Variants in SLC24A2 observed in about 807,000 individuals in gnomAD.
SLC24A2 encodes sodium/potassium/calcium exchanger 2.
In SLC24A2, 36 loss-of-function variants were observed where a neutral mutation model predicts 62.0. That is an observed-to-expected ratio of 0.58 (90% CI 0.44 to 0.77). The LOEUF is 0.77. Among genes scored for constraint, SLC24A2 ranks in the 30% least tolerant of loss-of-function variants. The pLI is 0.00. For synonymous variants in SLC24A2, 358 were observed against 294.0 expected (o/e 1.22, Z -2.23); for missense variants, 846 against 817.9 (o/e 1.03, Z -0.42).
At chr9:19,979,127 G>T in the SLC24A2 span, among the ~76,000 whole-genome samples, 1 of 152,180 alleles carries the variant, frequency 6.6e-6, no homozygotes, top group Admixed American at 6.6e-5. Context: ...CTTTCTGGCA[G>T]CTTTTCAGCA....
intron 2 of SLC24A2, among the ~76,000 whole-genome samples, chr9:19,679,202 TACCAA>T (rs1459711375): frequency 1.3e-5 from 2 of 152,160 alleles, no homozygotes; most frequent in Non-Finnish European, 2.9e-5. Flanking sequence ...TACCTATACA[TACCAA>T]AGGGCAATAG....
At chr9:20,092,429 T>G in the SLC24A2 span, among the ~76,000 whole-genome samples, 1 of 151,352 alleles carries the variant, frequency 6.6e-6, no homozygotes, top group Non-Finnish European at 1.5e-5. Context: ...TAAAACCTTA[T>G]GGGATTTATG....
chr9:19,694,246 T>C (rs1046029495), intron 2 of SLC24A2, among the ~76,000 whole-genome samples: 35 of 152,160 alleles, frequency 2.3e-4, no homozygotes, highest in Non-Finnish European at 8.8e-5. Context: ...TCTTAGCAAT[T>C]GGCTCAATCA....
the SLC24A2 span, among the ~76,000 whole-genome samples, chr9:19,994,284 C>CA: frequency 6.6e-6 from 1 of 151,672 alleles, no homozygotes; most frequent in Non-Finnish European, 1.5e-5. Context: ...TGACCATTGG[C>CA]AAAAAACAAA....
intron 2 of SLC24A2, among the ~76,000 whole-genome samples, chr9:19,715,258 G>A (rs568029130): frequency 6.6e-6 from 1 of 152,094 alleles, no homozygotes; most frequent in Non-Finnish European, 1.5e-5. Context: ...GAGTCCTCTT[G>A]TATTTTCTTT....
At chr9:20,300,038 T>C in the SLC24A2 span, among the ~76,000 whole-genome samples, 6 of 152,244 alleles carry the variant, frequency 3.9e-5, no homozygotes, top group African/African-American at 1.2e-4. Context: ...TAAAGTATTC[T>C]GAAATATAGA....
At chr9:19,673,461 GTGTT>G (rs1411962635) in intron 2 of SLC24A2, among the ~76,000 whole-genome samples, 1 of 119,786 alleles carries the variant, frequency 8.3e-6, no homozygotes, top group Non-Finnish European at 1.7e-5. Flanking sequence ...GTGTGTGTGT[GTGTT>G]TGAGACACAG....
intron 10 of SLC24A2, among the ~76,000 whole-genome samples, chr9:19,517,910 A>AACAC (rs56840950): frequency 0.02 from 2,634 of 131,536 alleles, 29 homozygotes; most frequent in African/African-American, 0.031. Context: ...TTCTTATTAA[A>AACAC]ACACACACAC....
At chr9:20,091,602 A>G in the SLC24A2 span, among the ~76,000 whole-genome samples, 1 of 152,296 alleles carries the variant, frequency 6.6e-6, no homozygotes, top group Non-Finnish European at 1.5e-5. Context: ...TATCTACTAA[A>G]CTAAGCTTCC....
the SLC24A2 span, among the ~76,000 whole-genome samples, chr9:20,149,849 C>A: frequency 1.3e-5 from 2 of 152,012 alleles, no homozygotes; most frequent in African/African-American, 4.8e-5. Flanking sequence ...TTTTAGGAGT[C>A]ACTACAGAGG....
intron 2 of SLC24A2, among the ~76,000 whole-genome samples, chr9:19,770,016 G>A (rs893760953): frequency 1.3e-5 from 2 of 151,372 alleles, no homozygotes; most frequent in African/African-American, 4.8e-5. Context: ...AATAAAGCAA[G>A]TTAGGTTTCC....
chr9:19,525,788 T>A (rs984711934), intron 9 of SLC24A2, among the ~76,000 whole-genome samples: 11 of 126,582 alleles, frequency 8.7e-5, no homozygotes, highest in Admixed American at 4.9e-4. Context: ...TTTTTTTTTT[T>A]ATAGCCAACC....
the SLC24A2 span, among the ~76,000 whole-genome samples, chr9:20,089,879 A>G: frequency 1.3e-5 from 2 of 151,736 alleles, no homozygotes; most frequent in Admixed American, 6.6e-5. Flanking sequence ...CTGCTCCCCA[A>G]CAAGCGCAAC....
At chr9:20,304,494 A>T in the SLC24A2 span, among the ~76,000 whole-genome samples, 5 of 152,248 alleles carry the variant, frequency 3.3e-5, no homozygotes, top group African/African-American at 9.6e-5. Context: ...ACAGCCAAAT[A>T]ATTCTCATTG....
the SLC24A2 span, among the ~76,000 whole-genome samples, chr9:20,149,469 G>C: frequency 6.6e-6 from 1 of 151,576 alleles, no homozygotes; most frequent in Non-Finnish European, 1.5e-5. Context: ...TCTAAGATCA[G>C]AGATTGGCAA....
intron 7 of SLC24A2, among the ~76,000 whole-genome samples, chr9:19,563,632 C>G (rs1835508094): frequency 6.6e-6 from 1 of 152,188 alleles, no homozygotes; most frequent in African/African-American, 2.4e-5. Flanking sequence ...CAACTTTAAA[C>G]AACAGTGACG....
chr9:19,895,879 G>A, the SLC24A2 span: 87 of 1,612,974 alleles, frequency 5.4e-5, no homozygotes, highest in Middle Eastern at 6.6e-4. Flanking sequence ...CAGGGCCTCG[G>A]CCAGTGTGAT....
intron 2 of SLC24A2, among the ~76,000 whole-genome samples, chr9:19,686,805 C>T (rs1409331647): frequency 6.6e-6 from 1 of 152,066 alleles, no homozygotes; most frequent in Non-Finnish European, 1.5e-5. Context: ...TCTTTATTGG[C>T]AGCATGAGCA....
At chr9:19,918,629 CGT>C in the SLC24A2 span, among the ~76,000 whole-genome samples, 2 of 152,110 alleles carry the variant, frequency 1.3e-5, no homozygotes, top group Non-Finnish European at 2.9e-5. Context: ...AAGAGTCTTG[CGT>C]GTGTTTCCCC....
Sources: allele counts gnomAD v4.1 joint callset (sites outside exome capture counted in the v4.1 genomes callset), GRCh38; gene constraint gnomAD v4.1.1; transcripts MANE v1.5; gene names NCBI Gene and HGNC (gene_info 2026-07-23, HGNC 2026-07-21).